Variants in TRIR observed in about 807,000 individuals in gnomAD.
TRIR encodes the protein telomerase RNA component-interacting RNase.
Under a neutral mutation model 18.2 loss-of-function variants are expected in TRIR, and 5 were observed. The ratio of observed to expected loss-of-function variants is 0.27; its 90% CI spans 0.14 to 0.58. TRIR has a LOEUF of 0.58. Among genes scored for constraint, TRIR ranks in the 20% least tolerant of loss-of-function variants. TRIR has a pLI of 0.91. For missense variants in TRIR, 206 were observed against 252.8 expected, an observed-to-expected ratio of 0.81 and a Z score of 1.25; for synonymous variants, 134 against 114.4, an observed-to-expected ratio of 1.17 and a Z score of -1.10.
chr19:12,731,534 G>T lies in TRIR; in HGVS notation c.346-113C>A. 2 of 1,121,620 alleles carry T rather than the reference G, an allele frequency of 1.8e-6. No homozygotes were observed. The highest frequency in any genetic ancestry group is 1.3e-6 in the Non-Finnish European group (1 of 796,070). The allele number at this position is 1,121,620 out of a possible 1,614,324, so 69.5% of individuals were successfully genotyped here. A position where few individuals can be genotyped will look rare whatever the true frequency, so the allele number is the denominator to read the frequency against. ...GCCTGGTGGCCCGTCCTGACGCCGCGCCCAGCTCCGCCAGCCGGCCGACCT... is the reference window on the plus strand; with the variant it reads ...GCCTGGTGGCCCGTCCTGACGCCGCTCCCAGCTCCGCCAGCCGGCCGACCT... On this transcript the variant is annotated intron_variant, in intron 1 of 2. Transcript: ENST00000242784. The surrounding 1 kb of genome is among the most constrained non-coding windows in gnomAD (Gnocchi z 5.1).
In TRIR at chr19:12,734,414, C is replaced by G. The variant is rs951932858; in HGVS notation, c.244G>C (p.Glu82Gln). 2.0e-6 allele frequency: 3 copies of G among 1,520,992 alleles called. No homozygotes were observed. The highest frequency in any genetic ancestry group is 2.6e-6 in the Non-Finnish European group (3 of 1,135,342). 94.2% of individuals were successfully genotyped at this position (1,520,992 alleles called of 1,614,324 possible). ...KMEEEQRQRQ[E>Q]EPPPGPQRPD... is the part of the protein sequence containing the mutation. Reference sequence around the variant, plus strand: ...CGCTGCGGACCCGGGGGCGGCTCCTCCTGCCGCTGCCGCTGCTCCTCCTCC... The same window carrying G: ...CGCTGCGGACCCGGGGGCGGCTCCTGCTGCCGCTGCCGCTGCTCCTCCTCC... Residue 82 changes from glutamate (E) to glutamine (Q), a missense_variant, in exon 1 of 3, where the codon GAG (glutamate) becomes CAG (glutamine). Physicochemically the swap from Glu to Gln is conservative, Grantham distance 29. Around this residue, in one of 2 missense-constraint regions of TRIR, gnomAD observed 172 missense variants for 165.0 expected, o/e 1.04. Coordinates refer to ENST00000242784, the MANE Select transcript of TRIR (RefSeq NM_024038.4). The surrounding 1 kb of genome is among the most constrained non-coding windows in gnomAD (Gnocchi z 4.1).
Position 12,731,698 on chromosome 19 carries a change from T to G in TRIR, c.346-277A>C. 1 of 477,186 alleles carries G rather than the reference T, an allele frequency of 2.1e-6. No homozygotes were observed. 29.6% of individuals were successfully genotyped at this position (477,186 alleles called of 1,614,324 possible). On this transcript the variant is annotated intron_variant, in intron 1 of 2. Transcript: ENST00000242784. The surrounding 1 kb of genome is among the most constrained non-coding windows in gnomAD (Gnocchi z 5.1). Reference sequence around the variant, plus strand: ...TTCCACGCCAAGGCCTCACCCTCCCTAGCAGGGACCACAAGAGGTGGCAAC... The same window carrying G: ...TTCCACGCCAAGGCCTCACCCTCCCGAGCAGGGACCACAAGAGGTGGCAAC...
At chr19:12,732,596 A>ATT (rs796787244) in intron 1 of TRIR, among the ~76,000 whole-genome samples, 12 of 136,714 alleles carry the variant, frequency 8.8e-5, no homozygotes, top group African/African-American at 5.4e-5. Flanking sequence ...GACTATTTCC[A>ATT]TTTTTTTTTT....
chr19:12,731,603 T>G lies in TRIR; in HGVS notation c.346-182A>C, dbSNP rs1392708808. ...AGCACACGCGACTCAGCGCCTGCCCTGGGCCCGCGGTGCCCTCCCAGGGAG... is the reference window on the plus strand; with the variant it reads ...AGCACACGCGACTCAGCGCCTGCCCGGGGCCCGCGGTGCCCTCCCAGGGAG... On this transcript the variant is annotated intron_variant, in intron 1 of 2. Transcript: ENST00000242784. The surrounding 1 kb of genome is among the most constrained non-coding windows in gnomAD (Gnocchi z 5.1). 1 of 630,924 alleles carries G rather than the reference T, an allele frequency of 1.6e-6. No homozygotes were observed. Among genetic ancestry groups the G allele is most frequent in the Admixed American group, 3.1e-5 (1 of 32,712 alleles). The allele number at this position is 630,924 out of a possible 1,614,324, so 39.1% of individuals were successfully genotyped here.
chr19:12,732,702 G>T (rs1967456838), intron 1 of TRIR, among the ~76,000 whole-genome samples: 1 of 151,660 alleles, frequency 6.6e-6, no homozygotes, highest in South Asian at 2.1e-4. Flanking sequence ...TGATTCTCCT[G>T]CCTCAGCCTC....
At chr19:12,733,987 C>T (rs1219750585) in intron 1 of TRIR, among the ~76,000 whole-genome samples, 1 of 152,202 alleles carries the variant, frequency 6.6e-6, no homozygotes, top group Non-Finnish European at 1.5e-5. Flanking sequence ...ACTCCCTTTC[C>T]TCACAATTAG....
chr19:12,734,463 G>A lies in TRIR; in HGVS notation c.195C>T (p.Phe65=), dbSNP rs1411038846. 3.9e-6 allele frequency: 6 copies of A among 1,535,354 alleles called. No individual in the cohort carries two copies. Among genetic ancestry groups the A allele is most frequent in the Non-Finnish European group, 5.3e-6 (6 of 1,142,700 alleles). Residue 65 remains phenylalanine, a synonymous_variant, in exon 1 of 3, where the codon TTC becomes TTT. Transcript: ENST00000242784. This position sits in a 1 kb window ranked among gnomAD's most constrained non-coding sequence, Gnocchi z 4.1. ...CCATCTTCCGCTTGAACAGCTCCAG[G>A]AAGCTGCCGTCGTTGGCGAACAAGT... ...GVNLFANDGS[F]LELFKRKMEE...
chr19:12,734,624 C>A lies in TRIR; in HGVS notation c.34G>T (p.Gly12Cys). The A allele has an allele frequency of 6.6e-7, 1 of 1,514,800 alleles. No individual in the cohort carries two copies. The highest frequency in any genetic ancestry group is 8.8e-7 in the Non-Finnish European group (1 of 1,138,202). 93.8% of individuals were successfully genotyped at this position (1,514,800 alleles called of 1,614,324 possible). Residue 12 changes from glycine (G) to cysteine (C), a missense_variant, in exon 1 of 3, where the codon GGC becomes TGC. Physicochemically the swap from Gly to Cys is radical, Grantham distance 159. Transcript: ENST00000242784. The surrounding 1 kb of genome is among the most constrained non-coding windows in gnomAD (Gnocchi z 4.1). Reference sequence around the variant, plus strand: ...CCCGCGGGGCCCGGAGCCTCCCGGCCCTGAGGCTCCGCCCGTCTCCCTCGG... The same window carrying A: ...CCCGCGGGGCCCGGAGCCTCCCGGCACTGAGGCTCCGCCCGTCTCCCTCGG... Reference protein sequence around the residue: ...AARGRRAEPQGREAPGPAGGG... With the variant: ...AARGRRAEPQCREAPGPAGGG...
In TRIR at chr19:12,730,791, G is replaced by A. The variant is rs1252989253; in HGVS notation, c.*170C>T. The A allele has an allele frequency of 1.6e-6, 1 of 630,380 alleles. No homozygotes were observed. The allele number at this position is 630,380 out of a possible 1,614,324, so 39.0% of individuals were successfully genotyped here. ...TGTTCTATGAAGTCTCACGAGGCAAGTGCTCAAGGTAAAAAAAGAGTCCTG... is the reference window on the plus strand; with the variant it reads ...TGTTCTATGAAGTCTCACGAGGCAAATGCTCAAGGTAAAAAAAGAGTCCTG... On this transcript the variant is annotated 3_prime_UTR_variant, in exon 3 of 3. Transcript: ENST00000242784.
rs1289105125 is a variant in TRIR at position 12,734,216 on chromosome 19, C to A, written c.345+97G>T. 8.2e-7 allele frequency: 1 copy of A among 1,217,346 alleles called. No homozygotes were observed. Among genetic ancestry groups the A allele is most frequent in the East Asian group, 3.1e-5 (1 of 31,980 alleles). The allele number at this position is 1,217,346 out of a possible 1,614,324, so 75.4% of individuals were successfully genotyped here. The stretch of plus-strand genomic sequence containing the variant: ...ACCCGGACGGGCCCCTCATTCAGAA[C>A]GGAAAGTGGACTTCGGTCCCGATCC... On this transcript the variant is annotated intron_variant, in intron 1 of 2. Coordinates refer to ENST00000242784, the MANE Select transcript of TRIR (RefSeq NM_024038.4). This position sits in a 1 kb window ranked among gnomAD's most constrained non-coding sequence, Gnocchi z 4.1.
chr19:12,733,174 G>T (rs1967466798), intron 1 of TRIR, among the ~76,000 whole-genome samples: 1 of 152,082 alleles, frequency 6.6e-6, no homozygotes. Context: ...CTCCCAAAAT[G>T]TTGGAATTAC....
At chr19:12,732,699 C>G (rs918666067) in intron 1 of TRIR, among the ~76,000 whole-genome samples, 1 of 151,936 alleles carries the variant, frequency 6.6e-6, no homozygotes, top group Non-Finnish European at 1.5e-5. Flanking sequence ...AAGTGATTCT[C>G]CTGCCTCAGC....
rs754335920 is a variant in TRIR, at chr19:12,734,672, C to A, written c.-15G>T. ...CGGGCAGCCATTTTGTCGCCAGGTG[C>A]CGCGCAAAGGACTCCGGGAAGGCCG... On this transcript the variant is annotated 5_prime_UTR_variant, in exon 1 of 3. Transcript: ENST00000242784. This position sits in a 1 kb window ranked among gnomAD's most constrained non-coding sequence, Gnocchi z 4.1. The A allele has an allele frequency of 1.1e-5, 16 of 1,497,230 alleles. No homozygotes were observed. Among genetic ancestry groups the A allele is most frequent in the Non-Finnish European group, 1.4e-5 (16 of 1,132,338 alleles). The allele number at this position is 1,497,230 out of a possible 1,614,324, so 92.7% of individuals were successfully genotyped here.
Position 12,734,213 on chromosome 19 carries a change from G to T in TRIR, c.345+100C>A. On this transcript the variant is annotated intron_variant, in intron 1 of 2. Coordinates refer to ENST00000242784, the MANE Select transcript of TRIR (RefSeq NM_024038.4). This position sits in a 1 kb window ranked among gnomAD's most constrained non-coding sequence, Gnocchi z 4.1. ...GTGACCCGGACGGGCCCCTCATTCA[G>T]AACGGAAAGTGGACTTCGGTCCCGA... is the stretch of plus-strand genomic sequence containing the variant. The T allele has an allele frequency of 1.7e-6, 2 of 1,204,724 alleles. No homozygotes were observed. The highest frequency in any genetic ancestry group is 1.8e-5 in the South Asian group (1 of 56,002). 74.6% of individuals were successfully genotyped at this position (1,204,724 alleles called of 1,614,324 possible).
At position 12,734,419 on chromosome 19, in the gene TRIR, C is replaced by A; in HGVS notation, c.239G>T (p.Arg80Leu). The A allele has an allele frequency of 1.3e-6, 2 of 1,521,956 alleles. No homozygotes were observed. Among genetic ancestry groups the A allele is most frequent in the Non-Finnish European group, 1.8e-6 (2 of 1,135,684 alleles). 94.3% of individuals were successfully genotyped at this position (1,521,956 alleles called of 1,614,324 possible). A position where few individuals can be genotyped will look rare whatever the true frequency, so the allele number is the denominator to read the frequency against. The change falls in exon 1 of 3, where the codon CGG becomes CTG. Residue 80 changes from arginine (R) to leucine (L), a missense_variant. Arg to Leu is a moderately radical substitution (Grantham distance 102). Coordinates refer to ENST00000242784, the MANE Select transcript of TRIR (RefSeq NM_024038.4). The surrounding 1 kb of genome is among the most constrained non-coding windows in gnomAD (Gnocchi z 4.1). ...KRKMEEEQRQRQEEPPPGPQR... is the reference protein window; with the variant it reads ...KRKMEEEQRQLQEEPPPGPQR... ...CGGACCCGGGGGCGGCTCCTCCTGC[C>A]GCTGCCGCTGCTCCTCCTCCATCTT...
chr19:12,734,408 G>A lies in TRIR; in HGVS notation c.250C>T (p.Pro84Ser). The A allele has an allele frequency of 6.6e-7, 1 of 1,517,532 alleles. No homozygotes were observed. Among genetic ancestry groups the A allele is most frequent in the East Asian group, 2.7e-5 (1 of 36,892 alleles). The allele number at this position is 1,517,532 out of a possible 1,614,324, so 94.0% of individuals were successfully genotyped here. A position where few individuals can be genotyped will look rare whatever the true frequency, so the allele number is the denominator to read the frequency against. ...TCGGGTCGCTGCGGACCCGGGGGCG[G>A]CTCCTCCTGCCGCTGCCGCTGCTCC... ...EEEQRQRQEE[P>S]PPGPQRPDQS... is the part of the protein sequence containing the mutation. Residue 84 changes from proline (P) to serine (S), a missense_variant, in exon 1 of 3, where the codon CCG (proline) becomes TCG (serine). Physicochemically the swap from Pro to Ser is moderately conservative, Grantham distance 74. Coordinates refer to ENST00000242784, the MANE Select transcript of TRIR (RefSeq NM_024038.4). This position sits in a 1 kb window ranked among gnomAD's most constrained non-coding sequence, Gnocchi z 4.1.
At chr19:12,733,604 G>A (rs1187311436) in intron 1 of TRIR, among the ~76,000 whole-genome samples, 4 of 152,116 alleles carry the variant, frequency 2.6e-5, no homozygotes, top group African/African-American at 9.7e-5. Context: ...TGTGGGGGTG[G>A]AGGGAACTGC....
In TRIR at chr19:12,730,977, C is replaced by T. The variant is rs759962400; in HGVS notation, c.515G>A (p.Arg172Gln). 2 of 1,613,952 alleles carry T rather than the reference C, an allele frequency of 1.2e-6. No homozygotes were observed. Among genetic ancestry groups the T allele is most frequent in the Non-Finnish European group, 1.7e-6 (2 of 1,179,976 alleles). Residue 172 changes from arginine to glutamine, a missense_variant, in exon 3 of 3, where the codon CGG (arginine) becomes CAG (glutamine). Coordinates refer to ENST00000242784, the MANE Select transcript of TRIR (RefSeq NM_024038.4). ...AHQCGDDDKT[R>Q]PLVK Reference sequence around the variant, plus strand: ...GGAGGGGCGTCATTTCACCAGGGGCCGAGTTTTATCATCGTCACCGCACTG... The same window carrying T: ...GGAGGGGCGTCATTTCACCAGGGGCTGAGTTTTATCATCGTCACCGCACTG...
rs1015999608 is a variant in TRIR at position 12,734,617 on chromosome 19, T to A, written c.41A>T (p.Glu14Val). The A allele has an allele frequency of 6.6e-7, 1 of 1,515,182 alleles. No individual in the cohort carries two copies. The highest frequency in any genetic ancestry group is 8.8e-7 in the Non-Finnish European group (1 of 1,138,406). The allele number at this position is 1,515,182 out of a possible 1,614,324, so 93.9% of individuals were successfully genotyped here. Residue 14 changes from glutamate to valine, a missense_variant, in exon 1 of 3, where the codon GAG becomes GTG. Coordinates refer to ENST00000242784, the MANE Select transcript of TRIR (RefSeq NM_024038.4). The surrounding 1 kb of genome is among the most constrained non-coding windows in gnomAD (Gnocchi z 4.1). ...GCCACCGCCCGCGGGGCCCGGAGCCTCCCGGCCCTGAGGCTCCGCCCGTCT... is the reference window on the plus strand; with the variant it reads ...GCCACCGCCCGCGGGGCCCGGAGCCACCCGGCCCTGAGGCTCCGCCCGTCT... ...RGRRAEPQGREAPGPAGGGGG... is the reference protein window; with the variant it reads ...RGRRAEPQGRVAPGPAGGGGG...
Sources: allele counts gnomAD v4.1 joint callset (sites outside exome capture counted in the v4.1 genomes callset), GRCh38; gene constraint gnomAD v4.1.1; regional missense constraint gnomAD v4.1.1; non-coding constraint Gnocchi (gnomAD v3.1); transcripts MANE v1.5; gene names NCBI Gene and HGNC (gene_info 2026-07-23, HGNC 2026-07-21).